Variants in SLC71A2 observed in about 807,000 individuals in gnomAD.
SLC71A2 encodes solute carrier family 71 member 2.
At chr9:94,436,800 C>T in the SLC71A2 span, among the ~76,000 whole-genome samples, 1 of 152,146 alleles carries the variant, frequency 6.6e-6, no homozygotes, top group African/African-American at 2.4e-5. Context: ...AACGTGGAGA[C>T]TTCTGTAAGT....
the SLC71A2 span, among the ~76,000 whole-genome samples, chr9:94,433,910 A>T: frequency 2.0e-5 from 3 of 152,218 alleles, no homozygotes; most frequent in South Asian, 2.1e-4. Flanking sequence ...ATCTGAAATG[A>T]TTTTTCTCAT....
At chr9:94,451,015 T>C in the SLC71A2 span, among the ~76,000 whole-genome samples, 1 of 152,198 alleles carries the variant, frequency 6.6e-6, no homozygotes, top group Admixed American at 6.5e-5. Flanking sequence ...CTGCTCTCCT[T>C]CCCTTGCTCT....
the SLC71A2 span, among the ~76,000 whole-genome samples, chr9:94,375,510 C>CT: frequency 2.6e-5 from 4 of 152,020 alleles, no homozygotes; most frequent in South Asian, 8.3e-4. Flanking sequence ...TGAGCCCTGA[C>CT]TTAACTGGCC....
the SLC71A2 span, chr9:94,459,123 T>C: frequency 5.0e-6 from 8 of 1,600,586 alleles, no homozygotes; most frequent in African/African-American, 8.1e-5. Context: ...AAAGACTAAC[T>C]GTATTCTTTG....
chr9:94,389,677 G>T, the SLC71A2 span, among the ~76,000 whole-genome samples: 14 of 151,836 alleles, frequency 9.2e-5, no homozygotes, highest in Non-Finnish European at 1.9e-4. Context: ...TACGATAATG[G>T]CTCACTTTAG....
the SLC71A2 span, among the ~76,000 whole-genome samples, chr9:94,452,663 A>G: frequency 1.9e-5 from 1 of 52,788 alleles, no homozygotes; most frequent in South Asian, 4.7e-4. Flanking sequence ...ATATTCATAT[A>G]TATTCATATA....
chr9:94,378,347 G>A, the SLC71A2 span, among the ~76,000 whole-genome samples: 2 of 152,208 alleles, frequency 1.3e-5, no homozygotes, highest in South Asian at 4.2e-4. Context: ...GAGCAAGAGA[G>A]AGAGGGGAGG....
the SLC71A2 span, among the ~76,000 whole-genome samples, chr9:94,438,110 G>A: frequency 7.9e-5 from 12 of 152,022 alleles, no homozygotes; most frequent in East Asian, 2.3e-3. Flanking sequence ...TTGTAATTTT[G>A]TATTTTTAGT....
chr9:94,395,320 A>G, the SLC71A2 span, among the ~76,000 whole-genome samples: 1 of 152,160 alleles, frequency 6.6e-6, no homozygotes, highest in Non-Finnish European at 1.5e-5. Flanking sequence ...CAGTTTAGAC[A>G]GTTATATTCT....
At chr9:94,431,112 A>G in the SLC71A2 span, among the ~76,000 whole-genome samples, 3 of 152,196 alleles carry the variant, frequency 2.0e-5, no homozygotes, top group African/African-American at 4.8e-5. Context: ...GGAGATCGAG[A>G]CCATCCTGGC....
At chr9:94,391,851 C>G in the SLC71A2 span, among the ~76,000 whole-genome samples, 4 of 152,104 alleles carry the variant, frequency 2.6e-5, no homozygotes, top group South Asian at 8.3e-4. Flanking sequence ...TGCACTCCAG[C>G]CTGGGCAACA....
At chr9:94,435,643 CCTT>C in the SLC71A2 span, among the ~76,000 whole-genome samples, 12,370 of 131,690 alleles carry the variant, frequency 0.094, 1,027 homozygotes, top group African/African-American at 0.18. Context: ...GAACCTTTTT[CCTT>C]CTTCTTTTTT....
the SLC71A2 span, among the ~76,000 whole-genome samples, chr9:94,399,604 C>T: frequency 6.6e-6 from 1 of 152,134 alleles, no homozygotes; most frequent in African/African-American, 2.4e-5. Context: ...ACCTGGCTTC[C>T]ACCATCTGCC....
chr9:94,461,023 G>A, the SLC71A2 span: 1 of 151,574 alleles, frequency 6.6e-6, no homozygotes, highest in Non-Finnish European at 1.5e-5. Flanking sequence ...TGATGCAAAA[G>A]GTATGTATTT....
chr9:94,439,533 T>C, the SLC71A2 span, among the ~76,000 whole-genome samples: 1 of 136,236 alleles, frequency 7.3e-6, no homozygotes, highest in Non-Finnish European at 1.6e-5. Context: ...TTTTTAATCC[T>C]ATTAATAGAT....
chr9:94,404,888 T>C, the SLC71A2 span, among the ~76,000 whole-genome samples: 2 of 152,332 alleles, frequency 1.3e-5, no homozygotes, highest in Admixed American at 1.3e-4. Flanking sequence ...GCTGTTCTTT[T>C]GGTGCCATAT....
chr9:94,404,343 A>G, the SLC71A2 span, among the ~76,000 whole-genome samples: 1 of 151,870 alleles, frequency 6.6e-6, no homozygotes, highest in East Asian at 1.9e-4. Flanking sequence ...TCTCTTAGGC[A>G]GGAATGCAGT....
chr9:94,453,621 A>G, the SLC71A2 span, among the ~76,000 whole-genome samples: 2 of 152,240 alleles, frequency 1.3e-5, no homozygotes, highest in Admixed American at 1.3e-4. Flanking sequence ...ACAGATATTT[A>G]AGTGATTAGT....
chr9:94,410,967 T>C, the SLC71A2 span, among the ~76,000 whole-genome samples: 1 of 152,124 alleles, frequency 6.6e-6, no homozygotes, highest in Non-Finnish European at 1.5e-5. Flanking sequence ...GGTTTTGCCA[T>C]GTTGGCCAGG....
Sources: gnomAD v4.1 joint callset for allele counts (sites outside exome capture counted in the v4.1 genomes callset) on GRCh38, gnomAD v4.1.1 for gene constraint, MANE v1.5 for transcripts, NCBI Gene and HGNC (gene_info 2026-07-23, HGNC 2026-07-21) for gene names.